UGT1A8: variants seen among roughly 807,000 people sequenced by gnomAD.
UGT1A8 encodes the protein UDP-glucuronosyltransferase 1A8.
A neutral mutation model predicts 45.3 loss-of-function variants in UGT1A8; 39 were observed. The ratio of observed to expected loss-of-function variants is 0.86; its 90% CI spans 0.67 to 1.12. The LOEUF is 1.12. Among genes scored for constraint, UGT1A8 ranks in the 50% most tolerant of loss-of-function variants. The pLI is 0.00. For missense variants in UGT1A8, 719 were observed against 664.9 expected, an observed-to-expected ratio of 1.08 and a Z score of -0.90; for synonymous variants, 275 against 249.2, an observed-to-expected ratio of 1.10 and a Z score of -0.97.
intron 1 of UGT1A8, chr2:233,743,590 T>C: frequency 1.5e-6 from 2 of 1,367,294 alleles, no homozygotes; most frequent in South Asian, 1.1e-5. Context: ...CAAAGGAGAA[T>C]GGGTCCTGGC....
intron 1 of UGT1A8, among the ~76,000 whole-genome samples, chr2:233,638,972 A>G (rs1248581873): frequency 6.6e-6 from 1 of 152,220 alleles, no homozygotes; most frequent in Non-Finnish European, 1.5e-5. Context: ...CATTAATTAC[A>G]GTACCAAGCA....
chr2:233,755,188 G>A (rs1436949079), intron 1 of UGT1A8: 2 of 1,163,192 alleles, frequency 1.7e-6, no homozygotes, highest in Admixed American at 1.9e-5. Flanking sequence ...TGCCACTTGA[G>A]CGCCAGCTTG....
intron 3 of UGT1A8, 52 bp downstream of exon 3, chr2:233,767,988 A>T: frequency 3.1e-6 from 5 of 1,614,160 alleles, no homozygotes; most frequent in Non-Finnish European, 3.4e-6. Context: ...AATTAAGAAA[A>T]TGGCTTAAGC....
intron 1 of UGT1A8, among the ~76,000 whole-genome samples, chr2:233,690,245 A>G (rs1435694166): frequency 6.6e-6 from 1 of 152,202 alleles, no homozygotes; most frequent in Non-Finnish European, 1.5e-5. Context: ...CAAATTTCTT[A>G]TTTTAAGTCT....
At chr2:233,719,982 G>A (rs2076818942) in intron 1 of UGT1A8, among the ~76,000 whole-genome samples, 1 of 152,176 alleles carries the variant, frequency 6.6e-6, no homozygotes, top group South Asian at 2.1e-4. Flanking sequence ...AGCTCGGCAG[G>A]ATCAGGGACA....
intron 1 of UGT1A8, chr2:233,743,549 A>C: frequency 2.2e-6 from 3 of 1,367,168 alleles, no homozygotes; most frequent in Non-Finnish European, 2.9e-6. Flanking sequence ...TGACCCCCCC[A>C]AAATATTCTC....
At chr2:233,661,817 G>C (rs1380161144) in intron 1 of UGT1A8, among the ~76,000 whole-genome samples, 1 of 151,156 alleles carries the variant, frequency 6.6e-6, no homozygotes, top group South Asian at 2.1e-4. Context: ...TGCTTCATGG[G>C]AGCACTTGAG....
At chr2:233,762,893 C>G (rs960157189) in intron 1 of UGT1A8, among the ~76,000 whole-genome samples, 1 of 152,100 alleles carries the variant, frequency 6.6e-6, no homozygotes. Context: ...AATTCCATGC[C>G]AAATATCAGG....
At chr2:233,660,138 G>A (rs1364247444) in intron 1 of UGT1A8, among the ~76,000 whole-genome samples, 1 of 152,194 alleles carries the variant, frequency 6.6e-6, no homozygotes, top group African/African-American at 2.4e-5. Flanking sequence ...TTTCTGCAGC[G>A]ATAATGTATT....
intron 1 of UGT1A8, among the ~76,000 whole-genome samples, chr2:233,757,535 A>AATATATATACATATATAT (rs376887521): frequency 1.2e-3 from 108 of 88,048 alleles, no homozygotes; most frequent in Non-Finnish European, 1.7e-3. Context: ...GCCTGTAAGG[A>AATATATATACATATATAT]ATATATATAT....
In UGT1A8 at chr2:233,671,919, C is replaced by T. The variant is rs373067496; in HGVS notation, c.855+53357C>T. The stretch of plus-strand genomic sequence containing the variant: ...GCTTAGATTCCCAGCTGCTTGCTCT[C>T]AGCTGCAGTTCTCTGATGGCTTGCA... On this transcript the variant is annotated intron_variant, in intron 1 of 4. Coordinates refer to ENST00000373450, the MANE Select transcript of UGT1A8 (RefSeq NM_019076.5). The T allele has an allele frequency of 5.6e-6, 9 of 1,592,956 alleles. No individual in the cohort carries two copies. The African/African-American group carries it at 8.1e-5, about 14-fold the overall frequency.
At chr2:233,632,881 G>A (rs1028823973) in intron 1 of UGT1A8, among the ~76,000 whole-genome samples, 1 of 152,176 alleles carries the variant, frequency 6.6e-6, no homozygotes, top group African/African-American at 2.4e-5. Context: ...GAATAGGAGT[G>A]GTGAGAGAGG....
intron 1 of UGT1A8, among the ~76,000 whole-genome samples, chr2:233,630,716 AC>A (rs2073171249): frequency 6.6e-6 from 1 of 151,774 alleles, no homozygotes; most frequent in South Asian, 2.1e-4. Flanking sequence ...GATGGCACAT[AC>A]TTTTTTATTT....
At chr2:233,754,857 G>A (rs184077420) in intron 1 of UGT1A8, 3 of 1,349,946 alleles carry the variant, frequency 2.2e-6, no homozygotes, top group East Asian at 9.1e-5. Flanking sequence ...GAAAAGGGGT[G>A]CAGACCCTCT....
rs529563376 is a variant in UGT1A8, at chr2:233,636,457, C to T, written c.855+17895C>T. 19 of 1,544,680 alleles carry T rather than the reference C, an allele frequency of 1.2e-5. No individual in the cohort carries two copies. In the East Asian group the frequency reaches 3.6e-4, roughly 29 times the overall value. ...ATTGGGGTCAGGTTTTGTGCCTGTA[C>T]TTCTTCCGCCTACTGTATCATAGCA... is the stretch of plus-strand genomic sequence containing the variant. On this transcript the variant is annotated intron_variant, in intron 1 of 4. Coordinates refer to ENST00000373450, the MANE Select transcript of UGT1A8 (RefSeq NM_019076.5).
chr2:233,757,384 T>TA (rs1696511783), intron 1 of UGT1A8, among the ~76,000 whole-genome samples: 1 of 151,252 alleles, frequency 6.6e-6, no homozygotes. Context: ...ATTCAGCACT[T>TA]ACTTGCTGGC....
At chr2:233,628,564 CT>C (rs1417633528) in intron 1 of UGT1A8, among the ~76,000 whole-genome samples, 1 of 151,810 alleles carries the variant, frequency 6.6e-6, no homozygotes, top group Non-Finnish European at 1.5e-5. Context: ...TGAATGAGAC[CT>C]TTTTTATTTT....
chr2:233,705,516 G>T (rs769825689), intron 1 of UGT1A8, among the ~76,000 whole-genome samples: 10 of 152,152 alleles, frequency 6.6e-5, no homozygotes, highest in Non-Finnish European at 1.5e-4. Flanking sequence ...AATCAGGGTG[G>T]GGAGATTACC....
intron 1 of UGT1A8, among the ~76,000 whole-genome samples, chr2:233,732,958 C>G (rs75520741): frequency 0.048 from 7,267 of 152,142 alleles, 252 homozygotes; most frequent in East Asian, 0.16. Flanking sequence ...AATGTTCTTC[C>G]ATTTGTTTGT....
Sources: gnomAD v4.1 joint callset for allele counts (sites outside exome capture counted in the v4.1 genomes callset) on GRCh38, gnomAD v4.1.1 for gene constraint, MANE v1.5 for transcripts, NCBI Gene and HGNC (gene_info 2026-07-23, HGNC 2026-07-21) for gene names.